The following DOCK1 variants were observed in gnomAD, a reference collection of about 807,000 sequenced individuals.
DOCK1 encodes the protein dedicator of cytokinesis 1.
In DOCK1, 138 loss-of-function variants were observed where a neutral mutation model predicts 262.7. That is an observed-to-expected ratio of 0.53 (90% CI 0.46 to 0.61). The LOEUF (loss-of-function observed/expected upper bound fraction) is 0.61. Among genes scored for constraint, DOCK1 ranks in the 20% least tolerant of loss-of-function variants. DOCK1 has a pLI of 0.00. For missense variants in DOCK1, 1,908 were observed against 2,370.7 expected, an observed-to-expected ratio of 0.80 and a Z score of 4.05; for synonymous variants, 866 against 867.4, an observed-to-expected ratio of 1.00 and a Z score of 0.03.
intron 10 of DOCK1, among the ~76,000 whole-genome samples, chr10:127,008,079 A>T (rs2041167853): frequency 6.6e-6 from 1 of 152,150 alleles, no homozygotes; most frequent in South Asian, 2.1e-4. Context: ...CAGTTCCTCC[A>T]TCACGCTTTC....
intron 47 of DOCK1, among the ~76,000 whole-genome samples, chr10:127,429,932 A>G (rs1228616753): frequency 6.6e-6 from 1 of 152,232 alleles, no homozygotes; most frequent in East Asian, 1.9e-4. Context: ...CCAAAACTTC[A>G]TCTACCTCTT....
At position 126,921,199 on chromosome 10, in the gene DOCK1, C is replaced by CA. The variant is rs34354732; in HGVS notation, c.46+15656dup. 1.8e-3 allele frequency among the ~76,000 whole-genome samples: 199 copies of CA among 113,636 alleles called. 1 individual carries two copies. The highest frequency in any genetic ancestry group is 2.6e-3 in the East Asian group (10 of 3,784). 74.5% of individuals were successfully genotyped at this position (113,636 alleles called of 152,430 possible). A position where few individuals can be genotyped will look rare whatever the true frequency, so the allele number is the denominator to read the frequency against. ...TGAGCAGAAGAGTAAGACTCTATCT[C>CA]AAAAAAAAAAAAAAAAAAAAGTTCA... On this transcript the variant is annotated intron_variant, in intron 1 of 51. Coordinates refer to ENST00000623213, the MANE Select transcript of DOCK1 (RefSeq NM_001290223.2).
At chr10:127,391,922 C>G (rs1442253033) in intron 38 of DOCK1, among the ~76,000 whole-genome samples, 6 of 151,912 alleles carry the variant, frequency 3.9e-5, no homozygotes, top group Non-Finnish European at 5.9e-5. Context: ...ATGCCCAAAC[C>G]TCAGGGATTC....
At chr10:127,400,340 G>A (rs576117344) in intron 38 of DOCK1, among the ~76,000 whole-genome samples, 2 of 152,262 alleles carry the variant, frequency 1.3e-5, no homozygotes, top group South Asian at 4.1e-4. Flanking sequence ...GCAAAGGCCA[G>A]TGAGCGGGTG....
intron 21 of DOCK1, among the ~76,000 whole-genome samples, chr10:127,044,987 A>G (rs1373447441): frequency 6.6e-6 from 1 of 152,078 alleles, no homozygotes; most frequent in African/African-American, 2.4e-5. Flanking sequence ...CCATGAGGCC[A>G]GGAGTTGGAG....
At chr10:126,910,189 A>G (rs988926845) in intron 1 of DOCK1, among the ~76,000 whole-genome samples, 6 of 152,284 alleles carry the variant, frequency 3.9e-5, no homozygotes, top group African/African-American at 1.4e-4. Context: ...CAGCAAAACC[A>G]AATCAGGGCA....
chr10:126,929,411 A>G (rs955876527), intron 1 of DOCK1, among the ~76,000 whole-genome samples: 9 of 152,108 alleles, frequency 5.9e-5, no homozygotes, highest in Admixed American at 2.6e-4. Context: ...AGAGAAGTGG[A>G]CCACAGGGTG....
intron 29 of DOCK1, among the ~76,000 whole-genome samples, chr10:127,283,481 A>T (rs1460437020): frequency 6.6e-6 from 1 of 152,226 alleles, no homozygotes; most frequent in East Asian, 1.9e-4. Context: ...TACATTCATT[A>T]GTTATAGAAG....
At chr10:126,918,065 A>G (rs1206858592) in intron 1 of DOCK1, among the ~76,000 whole-genome samples, 4 of 152,204 alleles carry the variant, frequency 2.6e-5, no homozygotes, top group East Asian at 1.9e-4. Flanking sequence ...CCTGAGGCTC[A>G]TTGCCTGGTC....
At chr10:127,190,012 C>A (rs774882242) in intron 27 of DOCK1, among the ~76,000 whole-genome samples, 2 of 152,130 alleles carry the variant, frequency 1.3e-5, no homozygotes, top group Non-Finnish European at 2.9e-5. Context: ...TTGGTGAGCT[C>A]TGGTGAAAAC....
At chr10:127,302,071 G>T (rs2061700254) in intron 29 of DOCK1, among the ~76,000 whole-genome samples, 1 of 152,084 alleles carries the variant, frequency 6.6e-6, no homozygotes. Flanking sequence ...GCCAGCCTCA[G>T]GATCTAGGGT....
intron 38 of DOCK1, among the ~76,000 whole-genome samples, chr10:127,385,459 G>GT (rs5788839): frequency 0.76 from 114,836 of 151,982 alleles, 43,552 homozygotes; most frequent in African/African-American, 0.83. Context: ...AGTTTCAGAA[G>GT]TTTTTAAAAC....
intron 23 of DOCK1, among the ~76,000 whole-genome samples, chr10:127,093,253 T>TC (rs1413349857): frequency 7.8e-6 from 1 of 127,802 alleles, no homozygotes; most frequent in East Asian, 2.0e-4. Flanking sequence ...TTTTTTTTTT[T>TC]TTTTTTTTTG....
At chr10:126,937,651 A>G (rs1032224644) in intron 1 of DOCK1, among the ~76,000 whole-genome samples, 32 of 150,646 alleles carry the variant, frequency 2.1e-4, no homozygotes, top group African/African-American at 7.6e-4. Flanking sequence ...TCATTTGTGT[A>G]TCTTTTTGGA....
intron 27 of DOCK1, among the ~76,000 whole-genome samples, chr10:127,205,495 C>T (rs2057675080): frequency 6.6e-6 from 1 of 152,148 alleles, no homozygotes; most frequent in Admixed American, 6.5e-5. Flanking sequence ...TAAAGCTGAA[C>T]TCAGACACGT....
intron 29 of DOCK1, among the ~76,000 whole-genome samples, chr10:127,261,262 GGTGT>G (rs372749900): frequency 8.2e-5 from 7 of 85,200 alleles, no homozygotes; most frequent in South Asian, 8.2e-4. Flanking sequence ...TGTGCATGTG[GGTGT>G]GTGTGTGTGC....
intron 25 of DOCK1, among the ~76,000 whole-genome samples, chr10:127,112,302 G>A (rs558615455): frequency 6.6e-6 from 1 of 152,194 alleles, no homozygotes; most frequent in African/African-American, 2.4e-5. Context: ...GTGAGCCACC[G>A]AGCCTGACCC....
intron 25 of DOCK1, among the ~76,000 whole-genome samples, chr10:127,110,615 C>G (rs904859782): frequency 1.3e-5 from 2 of 152,198 alleles, no homozygotes; most frequent in African/African-American, 2.4e-5. Flanking sequence ...AATCAGCATA[C>G]ATTGTAGCCT....
chr10:127,147,018 T>A (rs1413626960), intron 27 of DOCK1, among the ~76,000 whole-genome samples: 1 of 152,176 alleles, frequency 6.6e-6, no homozygotes, highest in African/African-American at 2.4e-5. Flanking sequence ...CACCCTCTGT[T>A]TTGTGGTCTT....
Sources: gnomAD v4.1 joint callset for allele counts (sites outside exome capture counted in the v4.1 genomes callset) on GRCh38, gnomAD v4.1.1 for gene constraint, MANE v1.5 for transcripts, NCBI Gene and HGNC (gene_info 2026-07-23, HGNC 2026-07-21) for gene names.